Variants in KCNQ5 observed in about 807,000 individuals in gnomAD.
KCNQ5 encodes the protein potassium voltage-gated channel subfamily Q member 5, also known as potassium voltage-gated channel subfamily KQT member 5.
KCNQ5 carries 30 observed loss-of-function variants against 98.2 expected under a neutral mutation model. The ratio of observed to expected loss-of-function variants is 0.31; its 90% CI spans 0.23 to 0.41. The LOEUF is 0.41. Among genes scored for constraint, KCNQ5 ranks in the 10% least tolerant of loss-of-function variants. KCNQ5 has a pLI of 1.00. For synonymous variants in KCNQ5, 458 were observed against 449.4 expected, an observed-to-expected ratio of 1.02 and a Z score of -0.24; for missense variants, 835 against 1,182.5, an observed-to-expected ratio of 0.71 and a Z score of 4.31.
intron 2 of KCNQ5, among the ~76,000 whole-genome samples, chr6:73,026,463 G>T (rs548857671): frequency 6.6e-6 from 1 of 152,094 alleles, no homozygotes; most frequent in Non-Finnish European, 1.5e-5. Flanking sequence ...CTTAGAGTTT[G>T]CTCCAAAAGG....
intron 1 of KCNQ5, among the ~76,000 whole-genome samples, chr6:72,731,460 T>C (rs1265439125): frequency 6.6e-6 from 1 of 152,204 alleles, no homozygotes; most frequent in Non-Finnish European, 1.5e-5. Context: ...GAGTTATGGG[T>C]ATAGGCATTC....
intron 5 of KCNQ5, among the ~76,000 whole-genome samples, chr6:73,088,450 A>T (rs939242599): frequency 2.0e-5 from 3 of 152,154 alleles, no homozygotes; most frequent in Non-Finnish European, 2.9e-5. Flanking sequence ...AAACTTGAAA[A>T]ACATGACATC....
intron 3 of KCNQ5, among the ~76,000 whole-genome samples, chr6:73,075,488 T>A (rs1403479283): frequency 1.3e-5 from 2 of 152,208 alleles, no homozygotes; most frequent in Non-Finnish European, 2.9e-5. Context: ...CCCAAAGTGC[T>A]GGGATTACAA....
At chr6:73,131,553 A>G (rs1012532687) in intron 9 of KCNQ5, among the ~76,000 whole-genome samples, 3 of 152,020 alleles carry the variant, frequency 2.0e-5, no homozygotes, top group African/African-American at 7.2e-5. Flanking sequence ...TAAATTATGG[A>G]ACAGATGTGT....
At chr6:73,123,650 A>AT (rs1456942767) in intron 8 of KCNQ5, among the ~76,000 whole-genome samples, 1 of 152,120 alleles carries the variant, frequency 6.6e-6, no homozygotes, top group South Asian at 2.1e-4. Flanking sequence ...ACTTTTCTTG[A>AT]TTTTCTCCTC....
intron 1 of KCNQ5, among the ~76,000 whole-genome samples, chr6:72,719,290 C>A (rs1769824494): frequency 6.6e-6 from 1 of 152,198 alleles, no homozygotes; most frequent in African/African-American, 2.4e-5. Flanking sequence ...AGGCAGAGAT[C>A]TCTCTGCATT....
chr6:73,050,269 A>T (rs1260998465), intron 3 of KCNQ5, among the ~76,000 whole-genome samples: 7 of 101,156 alleles, frequency 6.9e-5, no homozygotes, highest in African/African-American at 2.3e-4. Context: ...GAAGGAAGGA[A>T]GGAAGGAAGG....
Position 72,740,725 on chromosome 6 carries a change from T to C in KCNQ5, c.398+118138T>C, listed in dbSNP as rs186792473. Among the ~76,000 whole-genome samples the C allele has an allele frequency of 7.2e-5, 11 of 152,212 alleles. No individual in the cohort carries two copies. In the East Asian group the frequency reaches 9.7e-4, roughly 13 times the overall value. On this transcript the variant is annotated intron_variant, in intron 1 of 13. Coordinates refer to ENST00000370398, the MANE Select transcript of KCNQ5 (RefSeq NM_019842.4). ...AGATGGATGAAAAGATTCTAGGAAG[T>C]TGGATTGTGTGCTGAAAGTGTCAGC...
intron 10 of KCNQ5, among the ~76,000 whole-genome samples, chr6:73,163,515 G>A (rs896345775): frequency 1.3e-5 from 2 of 152,164 alleles, no homozygotes; most frequent in Non-Finnish European, 2.9e-5. Flanking sequence ...GGGAGGTCGA[G>A]GCCGGTGGAT....
intron 2 of KCNQ5, among the ~76,000 whole-genome samples, chr6:73,015,722 G>C (rs1243150719): frequency 6.6e-6 from 1 of 152,074 alleles, no homozygotes. Context: ...CTGATGGAGA[G>C]AGAAAGAGAA....
At chr6:72,904,842 A>C (rs1779639569) in intron 1 of KCNQ5, among the ~76,000 whole-genome samples, 1 of 152,194 alleles carries the variant, frequency 6.6e-6, no homozygotes. Context: ...ACCTGATGAC[A>C]ATGTGCCTAG....
rs1458098774 is a variant in KCNQ5 at position 73,194,557 on chromosome 6, C to T, written c.1942C>T (p.Pro648Ser). The change falls in exon 14 of 14, where the codon CCT (proline) becomes TCT (serine). Residue 648 changes from proline to serine, a missense_variant. By Grantham distance (74) the Pro-to-Ser change is moderately conservative. This residue lies in a region of KCNQ5 where 416 missense variants were observed against 446.9 expected (regional missense o/e 0.93). Transcript: ENST00000370398. The stretch of plus-strand genomic sequence containing the variant: ...CGCTTTGGCTTCATTCCAGATCCCA[C>T]CTTTTGAATGTGAACAGACATCTGA... ...ALALASFQIP[P>S]FECEQTSDYQ... 3.1e-6 allele frequency: 5 copies of T among 1,614,114 alleles called. No individual in the cohort carries two copies. In the East Asian group the frequency reaches 6.7e-5, roughly 22 times the overall value.
chr6:73,046,140 A>T (rs925887450), intron 3 of KCNQ5, among the ~76,000 whole-genome samples: 2 of 151,960 alleles, frequency 1.3e-5, no homozygotes, highest in African/African-American at 4.8e-5. Flanking sequence ...GTTAGATCAG[A>T]CTCCCAAAAC....
chr6:73,133,318 G>C, intron 9 of KCNQ5, 103 bp from the exon 10 acceptor site: 1 of 947,392 alleles, frequency 1.1e-6, no homozygotes, highest in Non-Finnish European at 1.6e-6. Flanking sequence ...AAAACATCTT[G>C]TCTATTGAAA....
In KCNQ5 at chr6:72,644,218, T is replaced by G. The variant is rs150107096; in HGVS notation, c.398+21631T>G. On this transcript the variant is annotated intron_variant, in intron 1 of 13. Coordinates refer to ENST00000370398, the MANE Select transcript of KCNQ5 (RefSeq NM_019842.4). ...CTATGAGCCTTTGGTCATAACATTT[T>G]CATCAATGGATCAATACATAACCTT... Among the ~76,000 whole-genome samples the G allele has an allele frequency of 3.2e-3, 490 of 152,342 alleles. 2 individuals are homozygous for G. Among genetic ancestry groups the G allele is most frequent in the Middle Eastern group, 0.014 (4 of 294 alleles).
intron 1 of KCNQ5, among the ~76,000 whole-genome samples, chr6:72,761,343 TA>T (rs1772261673): frequency 6.6e-6 from 1 of 152,064 alleles, no homozygotes; most frequent in Non-Finnish European, 1.5e-5. Flanking sequence ...AATAGAATTC[TA>T]AAGGTATTTT....
chr6:73,016,207 G>A (rs1466243809), intron 2 of KCNQ5, among the ~76,000 whole-genome samples: 1 of 152,126 alleles, frequency 6.6e-6, no homozygotes, highest in Non-Finnish European at 1.5e-5. Flanking sequence ...GGGTGGCAGA[G>A]ACTTGAATGG....
chr6:72,808,319 A>G (rs1775055141), intron 1 of KCNQ5, among the ~76,000 whole-genome samples: 1 of 152,176 alleles, frequency 6.6e-6, no homozygotes, highest in Non-Finnish European at 1.5e-5. Context: ...AAATGGAGAG[A>G]TGCAATATGA....
At chr6:72,710,491 G>T (rs574942126) in intron 1 of KCNQ5, among the ~76,000 whole-genome samples, 20 of 152,220 alleles carry the variant, frequency 1.3e-4, no homozygotes, top group African/African-American at 4.8e-4. Flanking sequence ...TGCAGGAATG[G>T]GATAAATTAT....
Sources: gnomAD v4.1 joint callset for allele counts (sites outside exome capture counted in the v4.1 genomes callset) on GRCh38, gnomAD v4.1.1 for gene constraint, gnomAD v4.1.1 regional missense constraint, MANE v1.5 for transcripts, NCBI Gene and HGNC (gene_info 2026-07-23, HGNC 2026-07-21) for gene names.